KLHL1: variants seen among roughly 807,000 people sequenced by gnomAD.
KLHL1 encodes kelch like family member 1.
Under a neutral mutation model 77.7 loss-of-function variants are expected in KLHL1, and 47 were observed. The observed-to-expected ratio is 0.60, with a 90% CI of 0.48 to 0.77. KLHL1 has a LOEUF of 0.77. Ranked by LOEUF, KLHL1 falls within the 30% of genes least tolerant of loss-of-function variation. The pLI, the probability that KLHL1 is intolerant of heterozygous loss-of-function variation, is 0.00. For synonymous variants in KLHL1, 360 were observed against 325.2 expected (o/e 1.11, Z -1.15); for missense variants, 925 against 910.8 (o/e 1.02, Z -0.20).
At chr13:69,706,457 A>T (rs55723643) in intron 10 of KLHL1, among the ~76,000 whole-genome samples, 16,820 of 151,968 alleles carry the variant, frequency 0.11, 1,499 homozygotes, top group African/African-American at 0.25. Context: ...AAAATCAAGG[A>T]AATCATGTTT....
intron 8 of KLHL1, among the ~76,000 whole-genome samples, chr13:69,733,685 C>A (rs1056246613): frequency 6.6e-5 from 10 of 152,228 alleles, no homozygotes; most frequent in African/African-American, 2.4e-4. Flanking sequence ...AAAGACAAGT[C>A]GGATGTTACC....
At chr13:69,816,413 G>A (rs1340642451) in intron 6 of KLHL1, among the ~76,000 whole-genome samples, 3 of 151,146 alleles carry the variant, frequency 2.0e-5, no homozygotes, top group African/African-American at 2.4e-5. Context: ...GGCATGTGCC[G>A]CCACGCCTGG....
intron 4 of KLHL1, among the ~76,000 whole-genome samples, chr13:69,915,954 G>A (rs139825101): frequency 0.02 from 2,993 of 151,464 alleles, 45 homozygotes; most frequent in South Asian, 0.034. Context: ...GACACTTCTC[G>A]AAGACATTTA....
chr13:69,831,461 G>C (rs1162231694), intron 6 of KLHL1, among the ~76,000 whole-genome samples: 1 of 149,542 alleles, frequency 6.7e-6, no homozygotes, highest in Non-Finnish European at 1.5e-5. Context: ...ATTAAAAAAA[G>C]TGTCAAGAAA....
At chr13:70,010,231 G>C (rs1030896936) in intron 1 of KLHL1, among the ~76,000 whole-genome samples, 1 of 152,128 alleles carries the variant, frequency 6.6e-6, no homozygotes, top group Non-Finnish European at 1.5e-5. Context: ...TTAACAGATT[G>C]TTTTAGAAGT....
chr13:69,811,711 C>A (rs2138063072), intron 6 of KLHL1, among the ~76,000 whole-genome samples: 1 of 152,206 alleles, frequency 6.6e-6, no homozygotes, highest in South Asian at 2.1e-4. Flanking sequence ...TTATATGATT[C>A]TATGCTTAGA....
At chr13:70,095,624 C>A (rs1887770926) in intron 1 of KLHL1, among the ~76,000 whole-genome samples, 1 of 152,032 alleles carries the variant, frequency 6.6e-6, no homozygotes, top group Admixed American at 6.6e-5. Context: ...ATGTAATGAT[C>A]AAATCAGGGT....
At chr13:69,982,713 C>T (rs1178671050) in intron 1 of KLHL1, among the ~76,000 whole-genome samples, 1 of 151,028 alleles carries the variant, frequency 6.6e-6, no homozygotes, top group African/African-American at 2.4e-5. Flanking sequence ...CAACTAGAAA[C>T]CAAAAAAGAA....
chr13:70,098,663 T>A (rs1169007163), intron 1 of KLHL1, among the ~76,000 whole-genome samples: 1 of 151,902 alleles, frequency 6.6e-6, no homozygotes, highest in African/African-American at 2.4e-5. Context: ...AGATGCCCTT[T>A]TAAATTGTCA....
intron 1 of KLHL1, among the ~76,000 whole-genome samples, chr13:69,995,194 C>T (rs1292826259): frequency 2.0e-5 from 3 of 151,964 alleles, no homozygotes; most frequent in African/African-American, 4.8e-5. Flanking sequence ...ACCCCACACT[C>T]CCAAGGCCTA....
chr13:69,862,056 T>C (rs921426056), intron 5 of KLHL1, among the ~76,000 whole-genome samples: 7 of 151,474 alleles, frequency 4.6e-5, no homozygotes, highest in African/African-American at 1.5e-4. Flanking sequence ...GCAATGAATA[T>C]TATCGTTGTT....
At chr13:69,839,895 C>T (rs1034030258) in intron 5 of KLHL1, among the ~76,000 whole-genome samples, 3 of 151,866 alleles carry the variant, frequency 2.0e-5, no homozygotes, top group African/African-American at 7.2e-5. Context: ...CTTTCTCTTT[C>T]GCTCTTTAGA....
chr13:69,853,007 G>T (rs1217221187), intron 5 of KLHL1, among the ~76,000 whole-genome samples: 1 of 151,948 alleles, frequency 6.6e-6, no homozygotes, highest in African/African-American at 2.4e-5. Context: ...ATATAATTGA[G>T]CAGATGGTTA....
intron 1 of KLHL1, among the ~76,000 whole-genome samples, chr13:70,099,567 C>A (rs950375403): frequency 6.6e-6 from 1 of 151,480 alleles, no homozygotes; most frequent in Non-Finnish European, 1.5e-5. Flanking sequence ...GTATTTGGCC[C>A]CAACATATGA....
chr13:70,057,771 A>C (rs1886781461), intron 1 of KLHL1, among the ~76,000 whole-genome samples: 1 of 119,818 alleles, frequency 8.3e-6, no homozygotes, highest in South Asian at 3.6e-4. Flanking sequence ...CGACAGAGCG[A>C]GACTCCGTCT....
intron 7 of KLHL1, among the ~76,000 whole-genome samples, chr13:69,742,494 T>A (rs750056144): frequency 9.9e-5 from 15 of 152,198 alleles, no homozygotes; most frequent in Non-Finnish European, 1.8e-4. Context: ...ATTCATTGAA[T>A]GACCTTTATG....
intron 1 of KLHL1, among the ~76,000 whole-genome samples, chr13:70,009,379 C>G (rs1043003679): frequency 1.3e-5 from 2 of 152,032 alleles, no homozygotes; most frequent in African/African-American, 4.8e-5. Flanking sequence ...AGGTAAAGGG[C>G]AGGGAAGACA....
At chr13:69,950,817 T>G (rs560952381) in intron 3 of KLHL1, among the ~76,000 whole-genome samples, 2 of 151,738 alleles carry the variant, frequency 1.3e-5, no homozygotes, top group South Asian at 4.1e-4. Flanking sequence ...TGTTGCTTAA[T>G]GCATGAAATT....
chr13:69,711,875 A>G (rs1875891839), intron 9 of KLHL1, among the ~76,000 whole-genome samples: 2 of 151,502 alleles, frequency 1.3e-5, no homozygotes, highest in Non-Finnish European at 2.9e-5. Flanking sequence ...AACATGCAGT[A>G]TTATGTGTAT....
Sources: gnomAD v4.1 joint callset for allele counts (sites outside exome capture counted in the v4.1 genomes callset) on GRCh38, gnomAD v4.1.1 for gene constraint, MANE v1.5 for transcripts, NCBI Gene and HGNC (gene_info 2026-07-23, HGNC 2026-07-21) for gene names.